The following IFT80 variants were observed in gnomAD, a reference collection of about 807,000 sequenced individuals.
IFT80 encodes the protein intraflagellar transport protein 80 homolog.
A neutral mutation model predicts 107.9 loss-of-function variants in IFT80; 79 were observed. The observed-to-expected ratio is 0.73, with a 90% confidence interval of 0.61 to 0.88. The LOEUF is 0.88. Among genes scored for constraint, IFT80 ranks in the 40% least tolerant of loss-of-function variants. The pLI, the probability that IFT80 is intolerant of heterozygous loss-of-function variation, is 0.00. For missense variants in IFT80, 797 were observed against 914.2 expected (o/e 0.87, Z 1.65); for synonymous variants, 299 against 300.9 (o/e 0.99, Z 0.07).
intron 19 of IFT80, among the ~76,000 whole-genome samples, chr3:160,260,229 C>T (rs934775050): frequency 6.6e-6 from 1 of 152,088 alleles, no homozygotes; most frequent in Non-Finnish European, 1.5e-5. Context: ...AGACAAATGT[C>T]TGTGCTAAGA....
intron 9 of IFT80, among the ~76,000 whole-genome samples, chr3:160,311,323 G>A (rs1284646889): frequency 1.3e-5 from 2 of 152,098 alleles, no homozygotes; most frequent in Non-Finnish European, 2.9e-5. Flanking sequence ...GCAATGTGGG[G>A]CTTTATTTCC....
intron 12 of IFT80, among the ~76,000 whole-genome samples, chr3:160,292,821 A>G (rs1715676515): frequency 6.6e-6 from 1 of 152,034 alleles, no homozygotes; most frequent in Admixed American, 6.5e-5. Flanking sequence ...TCTTCCTTAT[A>G]TCACCTTCTC....
At chr3:160,340,694 A>AC (rs1719828532) in intron 8 of IFT80, among the ~76,000 whole-genome samples, 1 of 151,932 alleles carries the variant, frequency 6.6e-6, no homozygotes, top group Admixed American at 6.6e-5. Context: ...TCATCCACTA[A>AC]CCCCCAGCTA....
chr3:160,299,824 T>G (rs1292349409), intron 12 of IFT80, among the ~76,000 whole-genome samples: 1 of 152,170 alleles, frequency 6.6e-6, no homozygotes, highest in African/African-American at 2.4e-5. Flanking sequence ...AACTCTTGGT[T>G]TGCAGACCGA....
intron 9 of IFT80, among the ~76,000 whole-genome samples, chr3:160,308,941 G>A (rs1717024706): frequency 6.6e-6 from 1 of 152,184 alleles, no homozygotes; most frequent in Non-Finnish European, 1.5e-5. Flanking sequence ...ACAGCAAGAA[G>A]GCACCATATA....
At chr3:160,261,849 T>C (rs939088966) in intron 19 of IFT80, among the ~76,000 whole-genome samples, 4 of 149,654 alleles carry the variant, frequency 2.7e-5, no homozygotes, top group Non-Finnish European at 4.4e-5. Context: ...GTGAGACCCA[T>C]GTGTATATCT....
chr3:160,287,302 T>C (rs1418350899), intron 12 of IFT80, among the ~76,000 whole-genome samples: 3 of 152,202 alleles, frequency 2.0e-5, no homozygotes, highest in Non-Finnish European at 4.4e-5. Flanking sequence ...CCCCAGAATT[T>C]ACAGCCAGTT....
intron 5 of IFT80, among the ~76,000 whole-genome samples, chr3:160,369,768 A>G (rs945505276): frequency 1.3e-5 from 2 of 152,038 alleles, no homozygotes; most frequent in African/African-American, 4.8e-5. Flanking sequence ...AATGTTATTT[A>G]TTTCATCATT....
intron 12 of IFT80, among the ~76,000 whole-genome samples, chr3:160,298,051 GAGA>G (rs1716126300): frequency 6.6e-6 from 1 of 152,084 alleles, no homozygotes; most frequent in Non-Finnish European, 1.5e-5. Flanking sequence ...AGTGAATAGG[GAGA>G]AGAAGGCAGG....
Position 160,375,884 on chromosome 3 carries a change from T to C in IFT80, c.371-4A>G. The C allele has an allele frequency of 6.3e-7, 1 of 1,590,232 alleles. No individual in the cohort carries two copies. Among genetic ancestry groups the C allele is most frequent in the Non-Finnish European group, 8.6e-7 (1 of 1,159,696 alleles). Reference sequence around the variant, plus strand: ...TTTATTTGTCCATCTTCTCCAACTATACAGGGAAAAAAAAATTAATCAGTA... The same window carrying C: ...TTTATTTGTCCATCTTCTCCAACTACACAGGGAAAAAAAAATTAATCAGTA... On this transcript the variant is annotated splice_polypyrimidine_tract_variant and splice_region_variant and intron_variant, in intron 4 of 19. Transcript: ENST00000326448.
At chr3:160,373,376 T>C (rs556864714) in intron 5 of IFT80, 3 of 152,224 alleles carry the variant, frequency 2.0e-5, no homozygotes, top group East Asian at 1.9e-4. Flanking sequence ...ATAAAATAAG[T>C]AGCAATTTGG....
chr3:160,312,142 GCAAGGC>G (rs898628746), intron 9 of IFT80, among the ~76,000 whole-genome samples: 6 of 152,130 alleles, frequency 3.9e-5, no homozygotes, highest in African/African-American at 1.4e-4. Context: ...AGCTTTGTCT[GCAAGGC>G]CACAGCTATA....
rs1721091865 is a variant in IFT80 at position 160,356,391 on chromosome 3, C to T, written c.640-241G>A. ...TGTATTCCTTTAAGCCTAAATGTCT[C>T]AAAAAGAAACTATTTTATAACACTG... On this transcript the variant is annotated intron_variant, in intron 7 of 19. Transcript: ENST00000326448. Among the ~76,000 whole-genome samples the T allele has an allele frequency of 3.3e-5, 5 of 152,196 alleles. No homozygotes were observed. The South Asian group carries it at 1.0e-3, about 32-fold the overall frequency.
chr3:160,285,684 A>G (rs1318670060), intron 13 of IFT80, 120 bp downstream of exon 13: 9 of 714,748 alleles, frequency 1.3e-5, no homozygotes, highest in Non-Finnish European at 1.9e-5. Context: ...TGGAGAATGC[A>G]CATTGATTTT....
chr3:160,274,112 C>T (rs1714046782), intron 18 of IFT80, among the ~76,000 whole-genome samples: 2 of 151,934 alleles, frequency 1.3e-5, no homozygotes, highest in Admixed American at 6.6e-5. Context: ...TTTGAGGTCT[C>T]AGCAAAAAAT....
Position 160,307,772 on chromosome 3 carries a change from C to T in IFT80, c.967G>A (p.Val323Ile). Reference sequence around the variant, plus strand: ...AGTAAATCCACTGCATCATTAAGAACATTACGAACCTAAACAAGGAAAAAT... The same window carrying T: ...AGTAAATCCACTGCATCATTAAGAATATTACGAACCTAAACAAGGAAAAAT... ...TKRRAMQVRN[V>I]LNDAVDLLEF... The change falls in exon 10 of 20, where the codon GTT becomes ATT. Residue 323 changes from valine (V) to isoleucine (I), a missense_variant. Transcript: ENST00000326448. The T allele has an allele frequency of 1.3e-6, 2 of 1,516,276 alleles. No homozygotes were observed. The highest frequency in any genetic ancestry group is 1.8e-6 in the Non-Finnish European group (2 of 1,091,316). 93.9% of individuals were successfully genotyped at this position (1,516,276 alleles called of 1,614,324 possible).
chr3:160,354,141 G>A (rs1720900629), intron 8 of IFT80, among the ~76,000 whole-genome samples: 3 of 152,096 alleles, frequency 2.0e-5, no homozygotes, highest in Admixed American at 1.3e-4. Context: ...TTGTGAAAAT[G>A]AGACTACACA....
chr3:160,264,067 G>T (rs148131281), intron 19 of IFT80, among the ~76,000 whole-genome samples: 1 of 151,908 alleles, frequency 6.6e-6, no homozygotes, highest in African/African-American at 2.4e-5. Context: ...CTCCCAAAGT[G>T]TTGGGATTAC....
chr3:160,345,530 A>G (rs1720224593), intron 8 of IFT80, among the ~76,000 whole-genome samples: 1 of 151,968 alleles, frequency 6.6e-6, no homozygotes. Context: ...TCTACTAAAA[A>G]AAACACAAAA....
Sources: gnomAD v4.1 joint callset for allele counts (sites outside exome capture counted in the v4.1 genomes callset) on GRCh38, gnomAD v4.1.1 for gene constraint, MANE v1.5 for transcripts, NCBI Gene and HGNC (gene_info 2026-07-23, HGNC 2026-07-21) for gene names.